PTPN3: variants seen among roughly 807,000 people sequenced by gnomAD.
PTPN3 encodes the protein tyrosine-protein phosphatase non-receptor type 3.
PTPN3 carries 96 observed loss-of-function variants against 132.7 expected under a neutral mutation model. The ratio of observed to expected loss-of-function variants is 0.72; its 90% confidence interval spans 0.61 to 0.86. The LOEUF (loss-of-function observed/expected upper bound fraction) is 0.86, where lower values mean the gene tolerates loss of function less well. Among genes scored for constraint, PTPN3 ranks in the 40% least tolerant of loss-of-function variants. The pLI is 0.00. For missense variants in PTPN3, 1,125 were observed against 1,159.6 expected, an observed-to-expected ratio of 0.97 and a Z score of 0.43; for synonymous variants, 398 against 429.0, an observed-to-expected ratio of 0.93 and a Z score of 0.89.
At chr9:109,431,635 G>A (rs939708417) in intron 10 of PTPN3, among the ~76,000 whole-genome samples, 13 of 152,196 alleles carry the variant, frequency 8.5e-5, no homozygotes, top group Non-Finnish European at 5.9e-5. Context: ...AATTGAACAG[G>A]GCTGTCGTCA....
intron 1 of PTPN3, among the ~76,000 whole-genome samples, chr9:109,467,599 A>C (rs1408695629): frequency 1.3e-5 from 2 of 152,206 alleles, no homozygotes; most frequent in African/African-American, 4.8e-5. Flanking sequence ...TGTTCTGTGG[A>C]ACAGCTAAAG....
At chr9:109,449,178 G>C in intron 5 of PTPN3, 1 of 1,125,948 alleles carries the variant, frequency 8.9e-7, no homozygotes, top group African/African-American at 1.6e-5. Context: ...TCCGCTGTCA[G>C]TGAGCGCCCC....
chr9:109,462,093 C>T (rs551142871), intron 2 of PTPN3, among the ~76,000 whole-genome samples: 1 of 152,340 alleles, frequency 6.6e-6, no homozygotes, highest in African/African-American at 2.4e-5. Flanking sequence ...GGCCTGGGTG[C>T]TCGTGGAAGA....
intron 14 of PTPN3, among the ~76,000 whole-genome samples, chr9:109,417,053 TGAAA>T (rs1455035621): frequency 1.3e-5 from 2 of 152,210 alleles, no homozygotes; most frequent in African/African-American, 4.8e-5. Flanking sequence ...ATTTCTGCCA[TGAAA>T]GAAACTTACT....
intron 10 of PTPN3, 198 bp from the exon 11 acceptor site, chr9:109,428,882 A>G: frequency 1.0e-6 from 1 of 985,444 alleles, no homozygotes; most frequent in Non-Finnish European, 1.2e-6. Flanking sequence ...GAAGCTGAGC[A>G]CTGCGTAAGG....
At chr9:109,496,061 G>C (rs1032193512) in intron 1 of PTPN3, among the ~76,000 whole-genome samples, 7 of 152,184 alleles carry the variant, frequency 4.6e-5, no homozygotes, top group Non-Finnish European at 1.0e-4. Flanking sequence ...TCAGTAACTT[G>C]ACCTTTTATA....
At chr9:109,534,632 CAAAAAA>C in the PTPN3 span, among the ~76,000 whole-genome samples, 11 of 108,734 alleles carry the variant, frequency 1.0e-4, no homozygotes, top group African/African-American at 3.3e-4. Context: ...CAAAAAAATA[CAAAAAA>C]AAAAAAAAAA....
intron 1 of PTPN3, among the ~76,000 whole-genome samples, chr9:109,479,167 T>C (rs1846840232): frequency 6.6e-6 from 1 of 152,170 alleles, no homozygotes; most frequent in Admixed American, 6.5e-5. Context: ...AGAAACTCTG[T>C]ACCCATTAGG....
chr9:109,389,206 A>G (rs1470832536), intron 22 of PTPN3, 27 bp downstream of exon 22: 1 of 1,612,890 alleles, frequency 6.2e-7, no homozygotes, highest in Admixed American at 1.7e-5. Flanking sequence ...CACTGCACAC[A>G]TCTGAATTAG....
At chr9:109,450,461 T>C (rs918878934) in intron 5 of PTPN3, 1 of 982,842 alleles carries the variant, frequency 1.0e-6, no homozygotes, top group Non-Finnish European at 1.2e-6. Flanking sequence ...TATGTCTTCC[T>C]AGGGATATAA....
At chr9:109,497,805 A>G (rs1001767330) in intron 1 of PTPN3, among the ~76,000 whole-genome samples, 1 of 151,912 alleles carries the variant, frequency 6.6e-6, no homozygotes, top group Non-Finnish European at 1.5e-5. Flanking sequence ...GCTCTCGGCT[A>G]GCTCCCCGCG....
Position 109,420,619 on chromosome 9 carries a change from G to A in PTPN3, c.1137-19C>T, listed in dbSNP as rs779039131. On this transcript the variant is annotated intron_variant, in intron 13 of 25. Transcript: ENST00000374541. ...ACTTCGCCTGGGTGGGAAAAACGTT[G>A]AGTGCAAAGTGTTCAAAGCAAATTC... 1.9e-6 allele frequency: 3 copies of A among 1,601,164 alleles called. No homozygotes were observed. Among genetic ancestry groups the A allele is most frequent in the African/African-American group, 2.7e-5 (2 of 74,728 alleles).
At chr9:109,388,079 T>C in intron 22 of PTPN3, among the ~76,000 whole-genome samples, 1 of 151,706 alleles carries the variant, frequency 6.6e-6, no homozygotes, top group Non-Finnish European at 1.5e-5. Flanking sequence ...CTGCTGGGAG[T>C]CCCACTCTAC....
chr9:109,389,015 T>C (rs1839829381), intron 22 of PTPN3, among the ~76,000 whole-genome samples: 1 of 152,162 alleles, frequency 6.6e-6, no homozygotes, highest in African/African-American at 2.4e-5. Flanking sequence ...GGGAAGTGCC[T>C]TCTGGCTTGT....
chr9:109,526,593 T>C, the PTPN3 span, among the ~76,000 whole-genome samples: 1 of 152,098 alleles, frequency 6.6e-6, no homozygotes, highest in African/African-American at 2.4e-5. Context: ...GAGGATCCCT[T>C]GAGCCCAGTA....
chr9:109,492,240 A>G (rs1380192692), intron 1 of PTPN3, among the ~76,000 whole-genome samples: 1 of 151,990 alleles, frequency 6.6e-6, no homozygotes, highest in Non-Finnish European at 1.5e-5. Context: ...CCTCTGGGCT[A>G]GCCCTTGAGC....
the PTPN3 span, among the ~76,000 whole-genome samples, chr9:109,527,957 AAGATTACTTCAC>A: frequency 1.3e-5 from 2 of 152,226 alleles, no homozygotes; most frequent in Non-Finnish European, 2.9e-5. Flanking sequence ...AAAAACTGTA[AAGATTACTTCAC>A]AGAGGAGGAC....
chr9:109,508,479 C>A, the PTPN3 span, among the ~76,000 whole-genome samples: 2 of 152,088 alleles, frequency 1.3e-5, no homozygotes, highest in African/African-American at 4.8e-5. Context: ...TTCTTTTATG[C>A]TTCTCATCAC....
intron 1 of PTPN3, among the ~76,000 whole-genome samples, chr9:109,475,903 C>T (rs1846640625): frequency 6.6e-6 from 1 of 152,192 alleles, no homozygotes; most frequent in South Asian, 2.1e-4. Flanking sequence ...AAACCCAATC[C>T]TCACCACCAG....
Sources: gnomAD v4.1 joint callset for allele counts (sites outside exome capture counted in the v4.1 genomes callset) on GRCh38, gnomAD v4.1.1 for gene constraint, MANE v1.5 for transcripts, NCBI Gene and HGNC (gene_info 2026-07-23, HGNC 2026-07-21) for gene names.